The following SAMD3 variants were observed in gnomAD, a reference collection of about 807,000 sequenced individuals.
SAMD3 encodes sterile alpha motif domain containing 3, also known as sterile alpha motif domain-containing protein 3.
A neutral mutation model predicts 58.5 loss-of-function variants in SAMD3; 63 were observed. That is an observed-to-expected ratio of 1.08 (90% confidence interval 0.88 to 1.33). The LOEUF is 1.33. Ranked by LOEUF, SAMD3 falls within the 40% of genes most tolerant of loss-of-function variation. SAMD3 has a pLI of 0.00. For synonymous variants in SAMD3, 220 were observed against 210.3 expected (o/e 1.05, Z -0.40); for missense variants, 604 against 608.4 (o/e 0.99, Z 0.08).
intron 5 of SAMD3, among the ~76,000 whole-genome samples, chr6:130,185,582 C>A (rs145095423): frequency 9.8e-4 from 149 of 151,854 alleles, no homozygotes; most frequent in African/African-American, 3.5e-3. Flanking sequence ...CCACCTTGGC[C>A]TCCCAAAGTG....
chr6:130,163,845 C>T (rs1216159680), intron 8 of SAMD3, among the ~76,000 whole-genome samples: 1 of 152,034 alleles, frequency 6.6e-6, no homozygotes, highest in Non-Finnish European at 1.5e-5. Flanking sequence ...AACTTTAATT[C>T]TATTTTATTT....
At chr6:130,230,683 C>A (rs903012049) in intron 2 of SAMD3, among the ~76,000 whole-genome samples, 2 of 152,162 alleles carry the variant, frequency 1.3e-5, no homozygotes, top group East Asian at 1.9e-4. Context: ...CCACCATGCC[C>A]GGCCTCTTCG....
At chr6:130,154,780 A>T in intron 9 of SAMD3, 45 bp downstream of exon 9, 1 of 930,166 alleles carries the variant, frequency 1.1e-6, no homozygotes, top group Non-Finnish European at 1.7e-6. Context: ...GTGTGTGTGT[A>T]TATACATATA....
intron 1 of SAMD3, among the ~76,000 whole-genome samples, chr6:130,330,363 A>G (rs1308911219): frequency 6.6e-6 from 1 of 152,236 alleles, no homozygotes; most frequent in African/African-American, 2.4e-5. Flanking sequence ...CTTTCTTAAA[A>G]TAGCCTATAT....
chr6:130,327,191 T>A (rs1287756352), intron 1 of SAMD3, among the ~76,000 whole-genome samples: 1 of 152,182 alleles, frequency 6.6e-6, no homozygotes, highest in East Asian at 1.9e-4. Flanking sequence ...TATAAATCAA[T>A]GAATTTTACT....
intron 2 of SAMD3, among the ~76,000 whole-genome samples, chr6:130,307,194 G>T (rs369023611): frequency 1.3e-5 from 2 of 152,224 alleles, no homozygotes; most frequent in African/African-American, 4.8e-5. Flanking sequence ...AAATGTGAGA[G>T]ATTATACATG....
chr6:130,312,953 G>C (rs777771237), intron 2 of SAMD3: 9 of 152,290 alleles, frequency 5.9e-5, no homozygotes, highest in Middle Eastern at 3.4e-3. Flanking sequence ...CACGTGATGG[G>C]AACGCGAGGC....
At chr6:130,202,357 T>C (rs1252501165) in intron 5 of SAMD3, among the ~76,000 whole-genome samples, 2 of 152,222 alleles carry the variant, frequency 1.3e-5, no homozygotes, top group Non-Finnish European at 2.9e-5. Flanking sequence ...CTGGTCTTCA[T>C]AGCATTTAAG....
At chr6:130,336,353 G>A (rs766224429) in intron 1 of SAMD3, among the ~76,000 whole-genome samples, 2 of 152,086 alleles carry the variant, frequency 1.3e-5, no homozygotes, top group East Asian at 1.9e-4. Flanking sequence ...ATTCTGATAC[G>A]TGTGCATCTA....
chr6:130,223,338 T>C (rs1182104052), upstream of SAMD3, among the ~76,000 whole-genome samples: 1 of 152,250 alleles, frequency 6.6e-6, no homozygotes, highest in Admixed American at 6.5e-5. Flanking sequence ...AACCTTTATT[T>C]AGCAGACATT....
intron 4 of SAMD3, 84 bp from the exon 5 acceptor site, chr6:130,209,692 C>G: frequency 1.3e-6 from 1 of 783,408 alleles, no homozygotes; most frequent in South Asian, 1.6e-5. Context: ...TAGCACCAGC[C>G]CAGAGTAAAC....
At chr6:130,352,712 T>C (rs1777715229) in intron 1 of SAMD3, among the ~76,000 whole-genome samples, 1 of 152,196 alleles carries the variant, frequency 6.6e-6, no homozygotes, top group South Asian at 2.1e-4. Flanking sequence ...TTTTGAATAG[T>C]AGACCTTAAT....
At chr6:130,312,344 A>T (rs1776201600) in intron 2 of SAMD3, among the ~76,000 whole-genome samples, 1 of 152,234 alleles carries the variant, frequency 6.6e-6, no homozygotes, top group South Asian at 2.1e-4. Flanking sequence ...CAACAATGGG[A>T]GACGAAAGGA....
chr6:130,322,093 G>A (rs1045476311), intron 1 of SAMD3, among the ~76,000 whole-genome samples: 1 of 152,176 alleles, frequency 6.6e-6, no homozygotes, highest in African/African-American at 2.4e-5. Flanking sequence ...AATCACTATG[G>A]GAACTCATTA....
At chr6:130,317,168 T>G (rs972480985) in intron 1 of SAMD3, among the ~76,000 whole-genome samples, 2 of 152,226 alleles carry the variant, frequency 1.3e-5, no homozygotes, top group African/African-American at 4.8e-5. Flanking sequence ...CCTGAACACC[T>G]GTCAGCAACT....
intron 8 of SAMD3, among the ~76,000 whole-genome samples, chr6:130,172,661 G>A (rs1264860863): frequency 1.3e-5 from 2 of 152,112 alleles, no homozygotes; most frequent in Non-Finnish European, 2.9e-5. Flanking sequence ...TTTCAACCCT[G>A]GTGAGTCTGA....
intron 2 of SAMD3, among the ~76,000 whole-genome samples, chr6:130,230,470 C>A (rs1261412625): frequency 6.6e-6 from 1 of 152,142 alleles, no homozygotes; most frequent in African/African-American, 2.4e-5. Flanking sequence ...TCACTGAAAC[C>A]TCTGCCTCCT....
chr6:130,214,051 T>C (rs1795809191), intron 4 of SAMD3, among the ~76,000 whole-genome samples: 1 of 152,182 alleles, frequency 6.6e-6, no homozygotes, highest in Non-Finnish European at 1.5e-5. Context: ...CTCCTTGTGT[T>C]ACATACCTAT....
chr6:130,155,142 C>A, intron 8 of SAMD3, 117 bp from the exon 9 acceptor site: 1 of 685,504 alleles, frequency 1.5e-6, no homozygotes, highest in Non-Finnish European at 2.5e-6. Flanking sequence ...TACCTGGTTA[C>A]ACTTGACATT....
Sources: gnomAD v4.1 joint callset for allele counts (sites outside exome capture counted in the v4.1 genomes callset) on GRCh38, gnomAD v4.1.1 for gene constraint, MANE v1.5 for transcripts, NCBI Gene and HGNC (gene_info 2026-07-23, HGNC 2026-07-21) for gene names.